Variants in MROH7 observed in about 807,000 individuals in gnomAD.
MROH7 encodes maestro heat-like repeat-containing protein family member 7.
MROH7 carries 113 observed loss-of-function variants against 129.2 expected under a neutral mutation model. The observed-to-expected ratio is 0.87, with a 90% CI of 0.75 to 1.02. The LOEUF (loss-of-function observed/expected upper bound fraction) is 1.02, where lower values mean the gene tolerates loss of function less well. MROH7 is among the 50% of genes least tolerant of loss of function. The probability of loss-of-function intolerance (pLI) is 0.00; values close to 1 mark genes in which losing one functional copy is unlikely to be tolerated. For missense variants in MROH7, 1,601 were observed against 1,671.3 expected (o/e 0.96, Z 0.73); for synonymous variants, 655 against 667.9 (o/e 0.98, Z 0.30).
chr1:54,664,708 T>C (rs1196937127), intron 3 of MROH7, among the ~76,000 whole-genome samples: 1 of 152,196 alleles, frequency 6.6e-6, no homozygotes, highest in Non-Finnish European at 1.5e-5. Context: ...CATGAGCTGA[T>C]GTACACTTAA....
Position 54,702,700 on chromosome 1 carries a change from C to T in MROH7, c.3519C>T (p.Pro1173=). The change falls in exon 21 of 24, where the codon CCC becomes CCT. Residue 1173 remains proline, a synonymous_variant. Transcript: ENST00000421030. Reference sequence around the variant, plus strand: ...CAAAAAGAGCTTATAGCCGGAAGCCCTGGGACAACCAACAGCAGACAGTGG... The same window carrying T: ...CAAAAAGAGCTTATAGCCGGAAGCCTTGGGACAACCAACAGCAGACAGTGG... ...ELPKRAYSRK[P]WDNQQQTVAK... 3 of 1,613,884 alleles carry T rather than the reference C, an allele frequency of 1.9e-6. No individual in the cohort carries two copies. Among genetic ancestry groups the T allele is most frequent in the Non-Finnish European group, 2.5e-6 (3 of 1,179,864 alleles).
intron 15 of MROH7, 114 bp from the exon 16 acceptor site, chr1:54,692,310 A>G (rs975067232): frequency 7.4e-7 from 1 of 1,352,112 alleles, no homozygotes; most frequent in Non-Finnish European, 1.0e-6. Context: ...ACCCCTACCT[A>G]AAATGGTGAA....
chr1:54,673,023 A>T, intron 7 of MROH7, 68 bp from the exon 8 acceptor site: 1 of 1,197,840 alleles, frequency 8.3e-7, no homozygotes, highest in Non-Finnish European at 1.2e-6. Flanking sequence ...GACCTACACC[A>T]GGGGCCGCCT....
In MROH7 at chr1:54,680,046, G is replaced by GT. The variant is rs771648783; in HGVS notation, c.2381+2dup. On this transcript the variant is annotated splice_donor_variant, in intron 13 of 23. Coordinates refer to ENST00000421030, the MANE Select transcript of MROH7 (RefSeq NM_001039464.4). LOFTEE classifies it high-confidence loss of function. Reference sequence around the variant, plus strand: ...TCATGTGCCCCCTCCCACTGAACAGGTACCAAGTGAAGGGGTTCCCAGCCA... The same window carrying GT: ...TCATGTGCCCCCTCCCACTGAACAGGTTACCAAGTGAAGGGGTTCCCAGCCA... The GT allele has an allele frequency of 5.0e-6, 8 of 1,613,050 alleles. No individual in the cohort carries two copies. In the South Asian group the frequency reaches 8.8e-5, roughly 18 times the overall value.
At chr1:54,702,356 A>G (rs1645454231) in intron 20 of MROH7, 111 bp downstream of exon 20, 1 of 980,964 alleles carries the variant, frequency 1.0e-6, no homozygotes, top group Non-Finnish European at 1.4e-6. Context: ...GCAGTTATGT[A>G]TGTCCAGCCA....
Position 54,674,036 on chromosome 1 carries a change from G to A in MROH7, c.1821G>A (p.Ala607=), listed in dbSNP as rs201615929. Residue 607 remains alanine, a synonymous_variant, in exon 10 of 24, where the codon GCG becomes GCA. Coordinates refer to ENST00000421030, the MANE Select transcript of MROH7 (RefSeq NM_001039464.4). ...AACAGATGCCCTTGGGGTTCCCGGC[G>A]CTGGGGCTTCTGCTGGGGAGACTCA... ...LPFFMPLGFP[A]LGLLLGRLIL... The A allele has an allele frequency of 4.7e-4, 762 of 1,614,104 alleles. 4 individuals are homozygous for A. The Middle Eastern group carries it at 0.012, about 25-fold the overall frequency.
At chr1:54,648,388 G>A (rs537538302) in intron 1 of MROH7, among the ~76,000 whole-genome samples, 2 of 122,426 alleles carry the variant, frequency 1.6e-5, no homozygotes, top group Non-Finnish European at 3.4e-5. Flanking sequence ...TTTTTGAGAC[G>A]GAGTTTCGCT....
Position 54,702,680 on chromosome 1 carries a change from A to G in MROH7, c.3499A>G (p.Arg1167Gly). ...SYFMAWELPK[R>G]AYSRKPWDNQ... ...CTTCATGGCTTGGGAGTTGCCAAAA[A>G]GAGCTTATAGCCGGAAGCCCTGGGA... The change falls in exon 21 of 24, where the codon AGA (arginine) becomes GGA (glycine). Residue 1167 changes from arginine to glycine, a missense_variant. Coordinates refer to ENST00000421030, the MANE Select transcript of MROH7 (RefSeq NM_001039464.4). 6.2e-7 allele frequency: 1 copy of G among 1,613,930 alleles called. No individual in the cohort carries two copies. Among genetic ancestry groups the G allele is most frequent in the Non-Finnish European group, 8.5e-7 (1 of 1,179,886 alleles).
Position 54,686,389 on chromosome 1 carries a change from C to T in MROH7, c.2652C>T (p.Cys884=), listed in dbSNP as rs750433897. ...HYHIGLNLPG[C]VAPPKDTKKG... is the part of the protein sequence containing the mutation. Reference sequence around the variant, plus strand: ...ACATCGGCCTCAACCTGCCTGGCTGCGTGGCTCCTCCCAAGGACACCAAGA... The same window carrying T: ...ACATCGGCCTCAACCTGCCTGGCTGTGTGGCTCCTCCCAAGGACACCAAGA... The change falls in exon 15 of 24, where the codon TGC becomes TGT. Residue 884 remains cysteine, a synonymous_variant. Coordinates refer to ENST00000421030, the MANE Select transcript of MROH7 (RefSeq NM_001039464.4). 21 of 1,614,040 alleles carry T rather than the reference C, an allele frequency of 1.3e-5. No homozygotes were observed. In the East Asian group the frequency reaches 1.3e-4, roughly 10 times the overall value.
chr1:54,665,312 C>G, intron 4 of MROH7, 72 bp downstream of exon 4: 2 of 1,199,646 alleles, frequency 1.7e-6, no homozygotes, highest in South Asian at 1.3e-5. Flanking sequence ...TACCCCCCAG[C>G]CCAGCAGCCT....
chr1:54,701,150 A>T lies in MROH7; in HGVS notation c.3113A>T (p.Lys1038Met). ...ILARRSEKTA[K>M]VKALLPSMVK... ...AATGCTCCTGCCCCACAGACCGCCA[A>T]GGTGAAGGCCCTCCTGCCCTCCATG... The change falls in exon 19 of 24, where the codon AAG becomes ATG. Residue 1038 changes from lysine to methionine, a missense_variant. Transcript: ENST00000421030. 1 of 1,613,654 alleles carries T rather than the reference A, an allele frequency of 6.2e-7. No individual in the cohort carries two copies. Among genetic ancestry groups the T allele is most frequent in the Non-Finnish European group, 8.5e-7 (1 of 1,180,038 alleles).
intron 19 of MROH7, 151 bp from the exon 20 acceptor site, chr1:54,701,939 C>CAGGT (rs1172548177): frequency 3.5e-6 from 2 of 570,552 alleles, no homozygotes; most frequent in Admixed American, 8.1e-5. Flanking sequence ...ACTTAGCACT[C>CAGGT]AGGTGCCTTT....
Position 54,653,317 on chromosome 1 carries a change from C to T in MROH7, c.391C>T (p.Pro131Ser), listed in dbSNP as rs1053493689. ...TCCAGCCTCAAACCCCATTCTGAGC[C>T]CTAGCTCTACTGAGGCCCCTCGTCT... ...LCPASNPILS[P>S]SSTEAPRLSS... Residue 131 changes from proline (P) to serine (S), a missense_variant, in exon 3 of 24, where the codon CCT becomes TCT. Coordinates refer to ENST00000421030, the MANE Select transcript of MROH7 (RefSeq NM_001039464.4). 5 of 1,614,190 alleles carry T rather than the reference C, an allele frequency of 3.1e-6. No individual in the cohort carries two copies. The highest frequency in any genetic ancestry group is 3.4e-6 in the Non-Finnish European group (4 of 1,180,036).
rs369561412 is a variant in MROH7 at position 54,702,072 on chromosome 1, G to T, written c.3286-18G>T. 1.6e-5 allele frequency: 25 copies of T among 1,571,104 alleles called. No homozygotes were observed. The South Asian group carries it at 2.4e-4, about 15-fold the overall frequency. ...GTCCCAGAGGAGGGACCCCCTCTGAGCCTTTGGTCTTCCCCAGGCACGAGA... is the reference window on the plus strand; with the variant it reads ...GTCCCAGAGGAGGGACCCCCTCTGATCCTTTGGTCTTCCCCAGGCACGAGA... On this transcript the variant is annotated intron_variant, in intron 19 of 23. Coordinates refer to ENST00000421030, the MANE Select transcript of MROH7 (RefSeq NM_001039464.4).
Position 54,692,302 on chromosome 1 carries a change from C to A in MROH7, c.2712-122C>A, listed in dbSNP as rs965049600. Reference sequence around the variant, plus strand: ...CACCCTTTGTGGATACACTGAATACCCCTACCTAAAATGGTGAAGAGAAGT... The same window carrying A: ...CACCCTTTGTGGATACACTGAATACACCTACCTAAAATGGTGAAGAGAAGT... On this transcript the variant is annotated intron_variant, in intron 15 of 23. Transcript: ENST00000421030. 7 of 1,233,952 alleles carry A rather than the reference C, an allele frequency of 5.7e-6. No individual in the cohort carries two copies. The African/African-American group carries it at 9.0e-5, about 16-fold the overall frequency. 76.4% of individuals were successfully genotyped at this position (1,233,952 alleles called of 1,614,324 possible).
rs755376344 is a variant in MROH7 at position 54,674,071 on chromosome 1, T to A, written c.1856T>A (p.Ile619Asn). 7.4e-6 allele frequency: 12 copies of A among 1,613,920 alleles called. No individual in the cohort carries two copies. The highest frequency in any genetic ancestry group is 9.3e-6 in the Non-Finnish European group (11 of 1,179,928). Reference protein sequence around the residue: ...GLLLGRLILHIGDPDEEIGCE... With the variant: ...GLLLGRLILHNGDPDEEIGCE... Reference sequence around the variant, plus strand: ...CTGCTGGGGAGACTCATCCTTCACATTGGGGATCCTGATGAGGAGATTGGC... The same window carrying A: ...CTGCTGGGGAGACTCATCCTTCACAATGGGGATCCTGATGAGGAGATTGGC... The change falls in exon 10 of 24, where the codon ATT becomes AAT. Residue 619 changes from isoleucine (I) to asparagine (N), a missense_variant. Physicochemically the swap from Ile to Asn is moderately radical, Grantham distance 149. Transcript: ENST00000421030.
chr1:54,652,828 G>A (rs1029627096), intron 2 of MROH7, 25 bp from the exon 3 acceptor site: 5 of 1,463,518 alleles, frequency 3.4e-6, no homozygotes, highest in Non-Finnish European at 4.6e-6. Flanking sequence ...TGGCATGGCT[G>A]CATTTGTCTT....
At chr1:54,679,755 C>G in intron 12 of MROH7, 136 bp from the exon 13 acceptor site, 45 of 853,324 alleles carry the variant, frequency 5.3e-5, no homozygotes, top group Non-Finnish European at 7.5e-5. Flanking sequence ...CTGCTTGCCT[C>G]TTCCTCTCTC....
At chr1:54,669,013 C>A in intron 5 of MROH7, 76 bp downstream of exon 5, 1 of 1,085,050 alleles carries the variant, frequency 9.2e-7, no homozygotes. Flanking sequence ...ACTGATGAGA[C>A]CGCAGGGGTG....
Sources: gnomAD v4.1 joint callset for allele counts (sites outside exome capture counted in the v4.1 genomes callset) on GRCh38, gnomAD v4.1.1 for gene constraint, MANE v1.5 for transcripts, NCBI Gene and HGNC (gene_info 2026-07-23, HGNC 2026-07-21) for gene names.